CLRN1: variants seen among roughly 807,000 people sequenced by gnomAD.
CLRN1 encodes clarin 1.
In CLRN1, 15 loss-of-function variants were observed where a neutral mutation model predicts 18.7. The observed-to-expected ratio is 0.80, with a 90% CI of 0.54 to 1.23. The LOEUF (loss-of-function observed/expected upper bound fraction) is 1.23. CLRN1 is among the 50% of genes most tolerant of loss of function. The pLI, the probability that CLRN1 is intolerant of heterozygous loss-of-function variation, is 0.00. For missense variants in CLRN1, 311 were observed against 277.5 expected (o/e 1.12, Z -0.86); for synonymous variants, 104 against 102.9 (o/e 1.01, Z -0.07).
rs546823368 is a variant in CLRN1 at position 150,946,894 on chromosome 3, C to A, written c.254-5133G>T. Among the ~76,000 whole-genome samples the A allele has an allele frequency of 8.3e-3, 906 of 109,456 alleles. 3 individuals carry two copies. The highest frequency in any genetic ancestry group is 0.014 in the Non-Finnish European group (766 of 56,458). The allele number at this position is 109,456 out of a possible 152,430, so 71.8% of individuals were successfully genotyped here. On this transcript the variant is annotated intron_variant, in intron 1 of 2. Transcript: ENST00000327047. ...GTATATCTCCCAATGCTATCCCTCC[C>A]CCCTCCCCCCACCCCACAACAGTCC... is the stretch of plus-strand genomic sequence containing the variant.
chr3:150,970,162 A>C (rs760866134), intron 1 of CLRN1, among the ~76,000 whole-genome samples: 1 of 152,212 alleles, frequency 6.6e-6, no homozygotes, highest in Non-Finnish European at 1.5e-5. Context: ...CAAGGAAGCC[A>C]CTACTGAGAA....
intron 2 of CLRN1, among the ~76,000 whole-genome samples, chr3:150,935,114 C>T (rs528696093): frequency 1.6e-4 from 24 of 146,572 alleles, no homozygotes; most frequent in African/African-American, 5.7e-4. Context: ...GGAATTGGTC[C>T]TACATCAATT....
At chr3:150,953,538 A>AT (rs1427547567) in intron 1 of CLRN1, among the ~76,000 whole-genome samples, 3 of 151,994 alleles carry the variant, frequency 2.0e-5, no homozygotes, top group African/African-American at 7.2e-5. Flanking sequence ...TCAAGTACTT[A>AT]TTTTTTCTTC....
chr3:150,940,616 A>G (rs13063566), intron 2 of CLRN1: 22 of 1,188,586 alleles, frequency 1.9e-5, no homozygotes, highest in Non-Finnish European at 2.5e-5. Context: ...GAAACCATCA[A>G]TAAAATTACT....
intron 1 of CLRN1, among the ~76,000 whole-genome samples, chr3:150,942,093 G>A (rs757743467): frequency 4.0e-5 from 6 of 151,618 alleles, no homozygotes; most frequent in South Asian, 2.1e-4. Flanking sequence ...GACCTTTCTC[G>A]GTAGTCATTT....
intron 1 of CLRN1, among the ~76,000 whole-genome samples, chr3:150,968,816 T>C (rs1244121157): frequency 6.6e-6 from 1 of 152,114 alleles, no homozygotes; most frequent in African/African-American, 2.4e-5. Flanking sequence ...ACAGTAGCCA[T>C]AAAAATGAGC....
chr3:150,940,518 A>G, intron 2 of CLRN1: 1 of 1,534,762 alleles, frequency 6.5e-7, no homozygotes, highest in Non-Finnish European at 8.7e-7. Flanking sequence ...GCCAAAGGGC[A>G]ACTTCAGGAG....
rs1211060908 is a variant in CLRN1, at chr3:150,943,871, CA to C, written c.254-2111del. 8 of 1,614,174 alleles carry C rather than the reference CA, an allele frequency of 5.0e-6. No individual in the cohort carries two copies. Among genetic ancestry groups the C allele is most frequent in the Non-Finnish European group, 5.9e-6 (7 of 1,180,024 alleles). On this transcript the variant is annotated intron_variant, in intron 1 of 2. Coordinates refer to ENST00000327047, the MANE Select transcript of CLRN1 (RefSeq NM_174878.3). ...GAGTTTACTCCTCACAGCACTAAAG[CA>C]GCCAGCTGGTTCCTGCACTCGTTCA...
chr3:150,950,987 T>C (rs1016878053), intron 1 of CLRN1, among the ~76,000 whole-genome samples: 1 of 152,320 alleles, frequency 6.6e-6, no homozygotes, highest in South Asian at 2.1e-4. Context: ...ATCATGTCTT[T>C]TGCAGGAAGA....
At chr3:150,948,483 CAAAAAAAAAAAAAAA>C (rs55846714) in intron 1 of CLRN1, among the ~76,000 whole-genome samples, 7 of 54,374 alleles carry the variant, frequency 1.3e-4, no homozygotes, top group African/African-American at 5.7e-4. Context: ...GACTCCGTCT[CAAAAAAAAAAAAAAA>C]AAAAAAAAAA....
chr3:150,953,244 G>T (rs1200178897), intron 1 of CLRN1, among the ~76,000 whole-genome samples: 1 of 152,214 alleles, frequency 6.6e-6, no homozygotes, highest in East Asian at 1.9e-4. Flanking sequence ...TATTTGATTA[G>T]CTATTGACAA....
At chr3:150,940,570 C>T in intron 2 of CLRN1, 3 of 1,508,728 alleles carry the variant, frequency 2.0e-6, no homozygotes, top group South Asian at 1.2e-5. Context: ...ACATTGTTTG[C>T]TTTGTGTGAG....
intron 2 of CLRN1, among the ~76,000 whole-genome samples, chr3:150,938,107 C>T (rs963802389): frequency 6.6e-6 from 1 of 152,010 alleles, no homozygotes; most frequent in African/African-American, 2.4e-5. Context: ...GCTTAGGGAA[C>T]CTGAATGTGA....
chr3:150,948,649 A>G (rs1430549264), intron 1 of CLRN1, among the ~76,000 whole-genome samples: 1 of 152,066 alleles, frequency 6.6e-6, no homozygotes, highest in Non-Finnish European at 1.5e-5. Flanking sequence ...CCTTCCCAAG[A>G]CTGGACCAGG....
intron 1 of CLRN1, among the ~76,000 whole-genome samples, chr3:150,950,602 A>C (rs1284337203): frequency 6.6e-6 from 1 of 152,174 alleles, no homozygotes; most frequent in Non-Finnish European, 1.5e-5. Flanking sequence ...ACAACAATGA[A>C]ATACCATCAC....
At position 150,948,340 on chromosome 3, in the gene CLRN1, C is replaced by T. The variant is rs1172940381; in HGVS notation, c.254-6579G>A. ...TCTACTAAAAATACAAAAAATTAGCCGGACGTGGTAGCGGGCGCCTGTAGT... is the reference window on the plus strand; with the variant it reads ...TCTACTAAAAATACAAAAAATTAGCTGGACGTGGTAGCGGGCGCCTGTAGT... On this transcript the variant is annotated intron_variant, in intron 1 of 2. Coordinates refer to ENST00000327047, the MANE Select transcript of CLRN1 (RefSeq NM_174878.3). 2.6e-5 allele frequency among the ~76,000 whole-genome samples: 4 copies of T among 151,746 alleles called. No individual in the cohort carries two copies. The East Asian group carries it at 5.8e-4, about 22-fold the overall frequency.
intron 1 of CLRN1, among the ~76,000 whole-genome samples, chr3:150,970,249 C>T (rs1715466605): frequency 1.3e-5 from 2 of 152,128 alleles, no homozygotes; most frequent in African/African-American, 4.8e-5. Flanking sequence ...AGAGGATTCT[C>T]ATCCAAGCAA....
At chr3:150,947,621 G>A (rs139987204) in intron 1 of CLRN1, among the ~76,000 whole-genome samples, 123 of 152,186 alleles carry the variant, frequency 8.1e-4, no homozygotes, top group African/African-American at 2.8e-3. Context: ...TCACCACATG[G>A]CACATACTCT....
intron 2 of CLRN1, among the ~76,000 whole-genome samples, chr3:150,940,258 A>C (rs1050238250): frequency 2.6e-5 from 4 of 152,250 alleles, no homozygotes; most frequent in African/African-American, 9.6e-5. Flanking sequence ...CAGAATCTCC[A>C]CTGGAGAGAT....
Sources: allele counts gnomAD v4.1 joint callset (sites outside exome capture counted in the v4.1 genomes callset), GRCh38; gene constraint gnomAD v4.1.1; transcripts MANE v1.5; gene names NCBI Gene and HGNC (gene_info 2026-07-23, HGNC 2026-07-21).